Variants in HTR5A observed in about 807,000 individuals in gnomAD.
The protein encoded by HTR5A is 5-hydroxytryptamine receptor 5A.
HTR5A carries 21 observed loss-of-function variants against 24.3 expected under a neutral mutation model. The observed-to-expected ratio is 0.86, with a 90% CI of 0.61 to 1.24. The LOEUF (loss-of-function observed/expected upper bound fraction) is 1.24, where lower values mean the gene tolerates loss of function less well. HTR5A is among the 50% of genes most tolerant of loss of function. HTR5A has a pLI of 0.00. For missense variants in HTR5A, 497 were observed against 489.5 expected, an observed-to-expected ratio of 1.02 and a Z score of -0.15; for synonymous variants, 260 against 213.7, an observed-to-expected ratio of 1.22 and a Z score of -1.89.
intron 1 of HTR5A, among the ~76,000 whole-genome samples, chr7:155,081,685 A>G (rs732050): frequency 0.23 from 34,745 of 152,166 alleles, 4,949 homozygotes; most frequent in South Asian, 0.31. Flanking sequence ...TATTGCAATC[A>G]TGGATTAGAA....
chr7:155,078,906 TCTTCCTTTCCTTTCTTTTC>T (rs942688152), intron 1 of HTR5A, among the ~76,000 whole-genome samples: 42 of 152,010 alleles, frequency 2.8e-4, no homozygotes, highest in Non-Finnish European at 5.4e-4. Context: ...TCTTTCTTTT[TCTTCCTTTCCTTTCTTTTC>T]CTTCCTTTCC....
At chr7:155,073,900 T>TGTATATATATATATAC (rs1554519645) in intron 1 of HTR5A, among the ~76,000 whole-genome samples, 1 of 22,406 alleles carries the variant, frequency 4.5e-5, no homozygotes, top group African/African-American at 6.0e-5. Context: ...TATATATATA[T>TGTATATATATATATAC]ATATATATAT....
chr7:155,080,172 G>A (rs1377121922), intron 1 of HTR5A, among the ~76,000 whole-genome samples: 2 of 152,224 alleles, frequency 1.3e-5, no homozygotes, highest in African/African-American at 2.4e-5. Context: ...AGAGGCCATA[G>A]GATAAGTAGA....
At chr7:155,072,321 C>T (rs73729514) in intron 1 of HTR5A, among the ~76,000 whole-genome samples, 7,150 of 152,164 alleles carry the variant, frequency 0.047, 564 homozygotes, top group African/African-American at 0.16. Context: ...GTCTATCCCC[C>T]ACAGCCCTAT....
Position 155,071,276 on chromosome 7 carries a change from C to A in HTR5A, c.377C>A (p.Thr126Lys). ...LWIACDVLCC[T>K]ASIWNVTAIA... ...ATCGCGTGCGACGTGCTTTGCTGCACGGCCAGCATCTGGAACGTGACGGCC... is the reference window on the plus strand; with the variant it reads ...ATCGCGTGCGACGTGCTTTGCTGCAAGGCCAGCATCTGGAACGTGACGGCC... The change falls in exon 1 of 2, where the codon ACG becomes AAG. Residue 126 changes from threonine (T) to lysine (K), a missense_variant. Thr to Lys is a moderately conservative substitution (Grantham distance 78, BLOSUM62 -1). Transcript: ENST00000287907. The A allele has an allele frequency of 1.2e-6, 2 of 1,607,832 alleles. No individual in the cohort carries two copies. The highest frequency in any genetic ancestry group is 1.7e-6 in the Non-Finnish European group (2 of 1,179,862).
chr7:155,073,182 G>T (rs1398399694), intron 1 of HTR5A, among the ~76,000 whole-genome samples: 1 of 152,054 alleles, frequency 6.6e-6, no homozygotes, highest in East Asian at 1.9e-4. Flanking sequence ...TTAGCCAGGC[G>T]TGGTGGCAGG....
chr7:155,073,901 A>ATGTG (rs372446793), intron 1 of HTR5A, among the ~76,000 whole-genome samples: 97,096 of 128,560 alleles, frequency 0.76, 39,322 homozygotes, highest in East Asian at 0.94. Context: ...ATATATATAT[A>ATGTG]TATATATATA....
rs186966602 is a variant in HTR5A, at chr7:155,084,343, C to T, written c.930C>T (p.Leu310=). 20 of 1,614,214 alleles carry T rather than the reference C, an allele frequency of 1.2e-5. No individual in the cohort carries two copies. The East Asian group carries it at 4.5e-4, about 36-fold the overall frequency. The change falls in exon 2 of 2, where the codon CTC becomes CTT. Residue 310 remains leucine (L), a synonymous_variant. Transcript: ENST00000287907. Reference sequence around the variant, plus strand: ...TTCTCACCGAGCTCATCAGTCCCCTCTGCTCCTGTGACATCCCCGCCATCT... The same window carrying T: ...TTCTCACCGAGCTCATCAGTCCCCTTTGCTCCTGTGACATCCCCGCCATCT... ...PFFLTELISP[L]CSCDIPAIWK... is the part of the protein sequence containing the mutation.
At position 155,086,119 on chromosome 7, in the gene HTR5A, A is replaced by T. The variant is rs1218150447; in HGVS notation, c.*1632A>T. On this transcript the variant is annotated 3_prime_UTR_variant, in exon 2 of 2. Transcript: ENST00000287907. ...TCACTTACTCAAGTTACTTTTCCCC[A>T]TTATTACTCGAAATCAGAGAGAATA... Among the ~76,000 whole-genome samples, 1 of 152,210 alleles carries T rather than the reference A, an allele frequency of 6.6e-6. No individual in the cohort carries two copies. The highest frequency in any genetic ancestry group is 1.5e-5 in the Non-Finnish European group (1 of 68,024).
chr7:155,073,905 A>ATATG lies in HTR5A; in HGVS notation c.741+2268_741+2269insGTAT, dbSNP rs1554519652. 3.4e-5 allele frequency among the ~76,000 whole-genome samples: 3 copies of ATATG among 88,030 alleles called. 1 individual carries two copies. Among genetic ancestry groups the ATATG allele is most frequent in the African/African-American group, 1.2e-4 (3 of 26,022 alleles). 57.8% of individuals were successfully genotyped at this position (88,030 alleles called of 152,430 possible). A position where few individuals can be genotyped will look rare whatever the true frequency, so the allele number is the denominator to read the frequency against. ...TATATATATGTATATATATATATAT[A>ATATG]TATATATATATGTATATATATATAC... On this transcript the variant is annotated intron_variant, in intron 1 of 1. Coordinates refer to ENST00000287907, the MANE Select transcript of HTR5A (RefSeq NM_024012.4).
chr7:155,085,811 A>G lies in HTR5A; in HGVS notation c.*1324A>G, dbSNP rs1585124647. The G allele has an allele frequency of 6.6e-6, 1 of 152,204 alleles. No individual in the cohort carries two copies. Among genetic ancestry groups the G allele is most frequent in the Non-Finnish European group, 1.5e-5 (1 of 67,988 alleles). 9.4% of individuals were successfully genotyped at this position (152,204 alleles called of 1,614,324 possible). A position where few individuals can be genotyped will look rare whatever the true frequency, so the allele number is the denominator to read the frequency against. ...AATTATATCAATTAAGAGTTCAAACATAGGAAATTTGTGATAATTTATATG... is the reference window on the plus strand; with the variant it reads ...AATTATATCAATTAAGAGTTCAAACGTAGGAAATTTGTGATAATTTATATG... On this transcript the variant is annotated 3_prime_UTR_variant, in exon 2 of 2. Coordinates refer to ENST00000287907, the MANE Select transcript of HTR5A (RefSeq NM_024012.4).
rs1795484793 is a variant in HTR5A, at chr7:155,087,025, A to T, written c.*2538A>T. ...AAAGCCCTCCTTTCAGCTCTTGTAG[A>T]ATATGTCGAACAAAACGCACAGTTC... is the stretch of plus-strand genomic sequence containing the variant. On this transcript the variant is annotated 3_prime_UTR_variant, in exon 2 of 2. Transcript: ENST00000287907. Among the ~76,000 whole-genome samples, 1 of 152,222 alleles carries T rather than the reference A, an allele frequency of 6.6e-6. No individual in the cohort carries two copies. Among genetic ancestry groups the T allele is most frequent in the East Asian group, 1.9e-4 (1 of 5,178 alleles).
Position 155,085,904 on chromosome 7 carries a change from GA to G in HTR5A, c.*1418del, listed in dbSNP as rs968374756. Among the ~76,000 whole-genome samples, 34 of 152,272 alleles carry G rather than the reference GA, an allele frequency of 2.2e-4. No homozygotes were observed. Among genetic ancestry groups the G allele is most frequent in the African/African-American group, 7.2e-4 (30 of 41,562 alleles). Reference sequence around the variant, plus strand: ...TAGCTTTATCAAAAGAATGTGAGCAGATAAAGAAATGTTAGACACCTGTGAA... The same window carrying G: ...TAGCTTTATCAAAAGAATGTGAGCAGTAAAGAAATGTTAGACACCTGTGAA... On this transcript the variant is annotated 3_prime_UTR_variant, in exon 2 of 2. Coordinates refer to ENST00000287907, the MANE Select transcript of HTR5A (RefSeq NM_024012.4).
chr7:155,079,916 C>T (rs1466321543), intron 1 of HTR5A, among the ~76,000 whole-genome samples: 1 of 152,204 alleles, frequency 6.6e-6, no homozygotes, highest in Non-Finnish European at 1.5e-5. Context: ...GGAATGCCCT[C>T]ATACGAGCTT....
intron 1 of HTR5A, among the ~76,000 whole-genome samples, chr7:155,082,793 T>G (rs1585123292): frequency 1.3e-5 from 2 of 152,234 alleles, no homozygotes. Context: ...CTCAAATGCA[T>G]TTCCAGATAT....
chr7:155,079,625 A>C (rs531372852), intron 1 of HTR5A, among the ~76,000 whole-genome samples: 1 of 152,250 alleles, frequency 6.6e-6, no homozygotes, highest in African/African-American at 2.4e-5. Flanking sequence ...AAGTAAAAAA[A>C]GTTTGGCATT....
rs1438132745 is a variant in HTR5A at position 155,085,219 on chromosome 7, A to G, written c.*732A>G. 6.6e-6 allele frequency: 1 copy of G among 152,232 alleles called. No individual in the cohort carries two copies. Among genetic ancestry groups the G allele is most frequent in the Non-Finnish European group, 1.5e-5 (1 of 68,052 alleles). The allele number at this position is 152,232 out of a possible 1,614,324, so 9.4% of individuals were successfully genotyped here. A position where few individuals can be genotyped will look rare whatever the true frequency, so the allele number is the denominator to read the frequency against. ...GCACTGAGGGTAACTACTTCCTTTC[A>G]TTTTGAAGCAACAGTTTATAAACAG... On this transcript the variant is annotated 3_prime_UTR_variant, in exon 2 of 2. Coordinates refer to ENST00000287907, the MANE Select transcript of HTR5A (RefSeq NM_024012.4).
chr7:155,077,122 T>C (rs981177150), intron 1 of HTR5A: 3 of 152,236 alleles, frequency 2.0e-5, no homozygotes, highest in Non-Finnish European at 4.4e-5. Context: ...ATTTCTATAG[T>C]AATTTTTAAA....
At chr7:155,076,942 A>G (rs1212743211) in intron 1 of HTR5A, among the ~76,000 whole-genome samples, 1 of 152,214 alleles carries the variant, frequency 6.6e-6, no homozygotes, top group East Asian at 1.9e-4. Flanking sequence ...GACAGGTGCT[A>G]TGCTGTCACC....
Sources: gnomAD v4.1 joint callset for allele counts (sites outside exome capture counted in the v4.1 genomes callset) on GRCh38, gnomAD v4.1.1 for gene constraint, MANE v1.5 for transcripts, NCBI Gene and HGNC (gene_info 2026-07-23, HGNC 2026-07-21) for gene names.